Variants in TYMS observed in about 807,000 individuals in gnomAD.
The protein encoded by TYMS is thymidylate synthase.
TYMS carries 21 observed loss-of-function variants against 39.3 expected under a neutral mutation model. That is an observed-to-expected ratio of 0.54 (90% CI 0.38 to 0.77). The LOEUF is 0.77. TYMS is among the 30% of genes least tolerant of loss of function. The pLI is 0.00. For synonymous variants in TYMS, 171 were observed against 162.2 expected (o/e 1.05, Z -0.41); for missense variants, 273 against 406.7 (o/e 0.67, Z 2.83).
chr18:667,304 T>A (rs866275684), intron 3 of TYMS, among the ~76,000 whole-genome samples: 3 of 27,462 alleles, frequency 1.1e-4, no homozygotes, highest in Admixed American at 6.4e-4. Context: ...ATGGTGATGG[T>A]GATGGTGATG....
In TYMS at chr18:667,077, AGATGGT is replaced by A. The variant is rs1253862846; in HGVS notation, c.455-1983_455-1978del. 9.8e-5 allele frequency among the ~76,000 whole-genome samples: 4 copies of A among 40,750 alleles called. 1 individual carries two copies. The highest frequency in any genetic ancestry group is 4.8e-4 in the African/African-American group (2 of 4,210). 26.7% of individuals were successfully genotyped at this position (40,750 alleles called of 152,430 possible). A position where few individuals can be genotyped will look rare whatever the true frequency, so the allele number is the denominator to read the frequency against. ...GAGATGGAGATGGTGATGGTGATGGAGATGGTGATGGTGATGGAGATGGAGATGGAG... is the reference window on the plus strand; with the variant it reads ...GAGATGGAGATGGTGATGGTGATGGAGATGGTGATGGAGATGGAGATGGAG... On this transcript the variant is annotated intron_variant, in intron 3 of 6. Transcript: ENST00000323274.
intron 5 of TYMS, chr18:671,099 A>G (rs767333382): frequency 5.7e-5 from 36 of 626,386 alleles, no homozygotes; most frequent in Non-Finnish European, 9.1e-5. Flanking sequence ...TACAGCTTCT[A>G]TGGATTTTCT....
At position 662,176 on chromosome 18, in the gene TYMS, A is replaced by C; in HGVS notation, c.310A>C (p.Lys104Gln). The change falls in exon 3 of 7, where the codon AAG becomes CAG. Residue 104 changes from lysine to glutamine, a missense_variant. Lys to Gln is a moderately conservative substitution (Grantham distance 53). Around this residue, in one of 3 missense-constraint regions of TYMS, gnomAD observed 228 missense variants for 326.1 expected, o/e 0.70. Transcript: ENST00000323274. ...GSTNAKELSS[K>Q]GVKIWDANGS... is the part of the protein sequence containing the mutation. ...CACAAATGCTAAAGAGCTGTCTTCC[A>C]AGGGAGTGAAAATCTGGGATGCCAA... 6.2e-7 allele frequency: 1 copy of C among 1,613,424 alleles called. No individual in the cohort carries two copies. Among genetic ancestry groups the C allele is most frequent in the Non-Finnish European group, 8.5e-7 (1 of 1,179,712 alleles).
intron 3 of TYMS, among the ~76,000 whole-genome samples, chr18:667,275 T>C (rs1285812008): frequency 5.4e-5 from 1 of 18,356 alleles, no homozygotes; most frequent in Non-Finnish European, 9.1e-5. Context: ...ATGGTGATGG[T>C]GATGGGATGG....
chr18:661,428 A>G (rs2074754292), intron 2 of TYMS, among the ~76,000 whole-genome samples: 1 of 152,262 alleles, frequency 6.6e-6, no homozygotes. Context: ...CATTAGGAAT[A>G]TCCTGTATGC....
intron 3 of TYMS, among the ~76,000 whole-genome samples, chr18:668,000 T>C (rs1186814443): frequency 6.8e-6 from 1 of 146,876 alleles, no homozygotes; most frequent in East Asian, 2.1e-4. Flanking sequence ...GAATTTTTTT[T>C]TTTTTTTTTT....
intron 4 of TYMS, among the ~76,000 whole-genome samples, chr18:669,721 A>G (rs2074948820): frequency 1.3e-5 from 2 of 152,048 alleles, no homozygotes; most frequent in African/African-American, 4.8e-5. Flanking sequence ...AGATGTTAAC[A>G]TTTTAAATGG....
chr18:658,444 G>A lies in TYMS; in HGVS notation c.205+497G>A. The A allele has an allele frequency of 2.3e-6, 2 of 856,308 alleles. No homozygotes were observed. Among genetic ancestry groups the A allele is most frequent in the South Asian group, 1.7e-5 (1 of 59,068 alleles). 53.0% of individuals were successfully genotyped at this position (856,308 alleles called of 1,614,324 possible). Reference sequence around the variant, plus strand: ...CGGGAAGAGGAGAGCACTGAAGCTGGCGCGGGAACTTGGTTTCCTGGTGGC... The same window carrying A: ...CGGGAAGAGGAGAGCACTGAAGCTGACGCGGGAACTTGGTTTCCTGGTGGC... On this transcript the variant is annotated intron_variant, in intron 1 of 6. Coordinates refer to ENST00000323274, the MANE Select transcript of TYMS (RefSeq NM_001071.4). The surrounding 1 kb of genome is among the most constrained non-coding windows in gnomAD (Gnocchi z 4.5).
chr18:661,379 G>C (rs1415807566), intron 2 of TYMS, among the ~76,000 whole-genome samples: 2 of 152,234 alleles, frequency 1.3e-5, no homozygotes, highest in African/African-American at 2.4e-5. Flanking sequence ...AAATACAGGA[G>C]TTGAGGCACC....
intron 3 of TYMS, among the ~76,000 whole-genome samples, chr18:666,933 T>C (rs62090121): frequency 0.01 from 484 of 47,748 alleles, 43 homozygotes; most frequent in African/African-American, 0.032. Flanking sequence ...ATGGTGATGG[T>C]GATGGAGATG....
In TYMS at chr18:662,239, A is replaced by G; in HGVS notation, c.373A>G (p.Thr125Ala). The change falls in exon 3 of 7, where the codon ACC (threonine) becomes GCC (alanine). Residue 125 changes from threonine (T) to alanine (A), a missense_variant. Physicochemically the swap from Thr to Ala is moderately conservative, Grantham distance 58. Coordinates refer to ENST00000323274, the MANE Select transcript of TYMS (RefSeq NM_001071.4). ...CTTTTTGGACAGCCTGGGATTCTCCACCAGAGAAGAAGGGGACTTGGGCCC... is the reference window on the plus strand; with the variant it reads ...CTTTTTGGACAGCCTGGGATTCTCCGCCAGAGAAGAAGGGGACTTGGGCCC... The part of the protein sequence containing the change: ...RDFLDSLGFS[T>A]REEGDLGPVY... 1 of 1,614,140 alleles carries G rather than the reference A, an allele frequency of 6.2e-7. No individual in the cohort carries two copies. Among genetic ancestry groups the G allele is most frequent in the Non-Finnish European group, 8.5e-7 (1 of 1,179,998 alleles).
intron 4 of TYMS, 133 bp from the exon 5 acceptor site, chr18:670,559 C>A: frequency 1.1e-6 from 1 of 923,994 alleles, no homozygotes; most frequent in Non-Finnish European, 1.6e-6. Context: ...ATGGACATCA[C>A]TGCAGCCCAG....
rs751551728 is a variant in TYMS, at chr18:658,636, T to TGGGGC, written c.205+699_205+703dup. Reference sequence around the variant, plus strand: ...TTGGCGCCAGGCTTTCAGGGGACAGTGGGGCGGGGCGGGGTGGGCACAGGA... The same window carrying TGGGGC: ...TTGGCGCCAGGCTTTCAGGGGACAGTGGGGCGGGGCGGGGCGGGGTGGGCACAGGA... On this transcript the variant is annotated intron_variant, in intron 1 of 6. Transcript: ENST00000323274. The surrounding 1 kb of genome is among the most constrained non-coding windows in gnomAD (Gnocchi z 4.5). The TGGGGC allele has an allele frequency of 6.0e-4, 42 of 70,282 alleles. No homozygotes were observed. Among genetic ancestry groups the TGGGGC allele is most frequent in the Non-Finnish European group, 9.3e-4 (36 of 38,586 alleles). 4.4% of individuals were successfully genotyped at this position (70,282 alleles called of 1,614,324 possible).
rs1251135208 is a variant in TYMS at position 658,835 on chromosome 18, A to G, written c.206-806A>G. On this transcript the variant is annotated intron_variant, in intron 1 of 6. Transcript: ENST00000323274. This position sits in a 1 kb window ranked among gnomAD's most constrained non-coding sequence, Gnocchi z 4.5. Reference sequence around the variant, plus strand: ...GGTGGAGGTGGTTTTGAATGGGGAAACCCATTCGTGGTGAAGCAGATTCAC... The same window carrying G: ...GGTGGAGGTGGTTTTGAATGGGGAAGCCCATTCGTGGTGAAGCAGATTCAC... The G allele has an allele frequency of 1.2e-5, 2 of 163,502 alleles. No individual in the cohort carries two copies. The highest frequency in any genetic ancestry group is 1.9e-4 in the East Asian group (1 of 5,236). The allele number at this position is 163,502 out of a possible 1,614,324, so 10.1% of individuals were successfully genotyped here. A position where few individuals can be genotyped will look rare whatever the true frequency, so the allele number is the denominator to read the frequency against.
intron 5 of TYMS, 157 bp downstream of exon 5, chr18:671,024 CTCTTCTGGAAGG>C: frequency 1.1e-6 from 1 of 928,276 alleles, no homozygotes; most frequent in Non-Finnish European, 1.6e-6. Context: ...TGAAACCTTC[CTCTTCTGGAAGG>C]TTTTCTGGCC....
rs1006035935 is a variant in TYMS at position 658,322 on chromosome 18, T to G, written c.205+375T>G. ...TGACCGCGCGCCGGTCTCAAAGTCCTGGCTTTGGCCCCTCCTCCGTTTTCC... is the reference window on the plus strand; with the variant it reads ...TGACCGCGCGCCGGTCTCAAAGTCCGGGCTTTGGCCCCTCCTCCGTTTTCC... On this transcript the variant is annotated intron_variant, in intron 1 of 6. Coordinates refer to ENST00000323274, the MANE Select transcript of TYMS (RefSeq NM_001071.4). This position sits in a 1 kb window ranked among gnomAD's most constrained non-coding sequence, Gnocchi z 4.5. 17 of 1,366,098 alleles carry G rather than the reference T, an allele frequency of 1.2e-5. No homozygotes were observed. Among genetic ancestry groups the G allele is most frequent in the Admixed American group, 4.6e-5 (2 of 43,912 alleles). The allele number at this position is 1,366,098 out of a possible 1,614,324, so 84.6% of individuals were successfully genotyped here.
chr18:671,560 C>T (rs2075051281), intron 6 of TYMS, 109 bp downstream of exon 6: 1 of 781,240 alleles, frequency 1.3e-6, no homozygotes, highest in South Asian at 1.5e-5. Flanking sequence ...ATGACTGCTC[C>T]AAATGTGGGG....
chr18:673,074 G>A lies in TYMS; in HGVS notation c.*77G>A, dbSNP rs933553439. ...GGATGCCGAGGTAAAAGTTCTTTTT[G>A]CTCTAAAAGAAAAAGGAACTAGGTC... On this transcript the variant is annotated 3_prime_UTR_variant, in exon 7 of 7. Coordinates refer to ENST00000323274, the MANE Select transcript of TYMS (RefSeq NM_001071.4). The A allele has an allele frequency of 2.8e-6, 4 of 1,415,402 alleles. No individual in the cohort carries two copies. Among genetic ancestry groups the A allele is most frequent in the Non-Finnish European group, 3.8e-6 (4 of 1,065,442 alleles). 87.7% of individuals were successfully genotyped at this position (1,415,402 alleles called of 1,614,324 possible).
chr18:668,880 G>A (rs2074918107), intron 3 of TYMS, among the ~76,000 whole-genome samples, 192 bp from the exon 4 acceptor site: 1 of 152,088 alleles, frequency 6.6e-6, no homozygotes, highest in Admixed American at 6.5e-5. Context: ...AGAGGACAGA[G>A]CCAGGAGTCA....
Sources: gnomAD v4.1 joint callset for allele counts (sites outside exome capture counted in the v4.1 genomes callset) on GRCh38, gnomAD v4.1.1 for gene constraint, gnomAD v4.1.1 regional missense constraint, Gnocchi (gnomAD v3.1) non-coding constraint, MANE v1.5 for transcripts, NCBI Gene and HGNC (gene_info 2026-07-23, HGNC 2026-07-21) for gene names.